The following KIAA0319L variants were observed in gnomAD, a reference collection of about 807,000 sequenced individuals.
KIAA0319L encodes dyslexia-associated protein KIAA0319-like protein.
A neutral mutation model predicts 120.1 loss-of-function variants in KIAA0319L; 55 were observed. The observed-to-expected ratio is 0.46, with a 90% CI of 0.37 to 0.57. The LOEUF (loss-of-function observed/expected upper bound fraction) is 0.57, where lower values mean the gene tolerates loss of function less well. Among genes scored for constraint, KIAA0319L ranks in the 20% least tolerant of loss-of-function variants. KIAA0319L has a pLI of 0.00. For missense variants in KIAA0319L, 1,049 were observed against 1,255.3 expected (o/e 0.84, Z 2.48); for synonymous variants, 398 against 471.9 (o/e 0.84, Z 2.03).
Position 35,462,679 on chromosome 1 carries a change from C to T in KIAA0319L, c.1236G>A (p.Val412=). ...AAGAGATCTCCTGGAACTGAGGTGA[C>T]ACAATAGCAATGGGGGGCCGATTCT... ...PRKNRPPIAI[V]SPQFQEISLP... Residue 412 remains valine, a synonymous_variant, in exon 8 of 21, where the codon GTG becomes GTA. Transcript: ENST00000325722. 1 of 1,614,094 alleles carries T rather than the reference C, an allele frequency of 6.2e-7. No homozygotes were observed. Among genetic ancestry groups the T allele is most frequent in the Non-Finnish European group, 8.5e-7 (1 of 1,179,968 alleles).
intron 6 of KIAA0319L, 39 bp downstream of exon 6, chr1:35,470,824 C>CTCT (rs1281694868): frequency 8.1e-7 from 1 of 1,235,660 alleles, no homozygotes; most frequent in Admixed American, 1.7e-5. Context: ...CAGTCAACTC[C>CTCT]TCTACCTTTG....
chr1:35,480,554 G>A (rs749957088), intron 3 of KIAA0319L, among the ~76,000 whole-genome samples: 9 of 152,182 alleles, frequency 5.9e-5, no homozygotes, highest in Admixed American at 2.6e-4. Flanking sequence ...GGCCAAGACA[G>A]GTGGAACATT....
intron 3 of KIAA0319L, among the ~76,000 whole-genome samples, chr1:35,501,154 C>A (rs1008857017): frequency 6.6e-6 from 1 of 152,158 alleles, no homozygotes; most frequent in African/African-American, 2.4e-5. Context: ...TGCCACTGCC[C>A]ACTAATGGTA....
intron 2 of KIAA0319L, among the ~76,000 whole-genome samples, chr1:35,534,858 C>CAAAAAA (rs779838672): frequency 9.6e-4 from 41 of 42,610 alleles, no homozygotes; most frequent in Non-Finnish European, 1.6e-3. Flanking sequence ...GACTCCGTCT[C>CAAAAAA]AAAAAAAAAA....
chr1:35,486,376 GAAAAAAAAAAA>G (rs899924972), intron 3 of KIAA0319L, among the ~76,000 whole-genome samples: 1 of 52,146 alleles, frequency 1.9e-5, no homozygotes, highest in Non-Finnish European at 4.4e-5. Flanking sequence ...CCTGTCTCAA[GAAAAAAAAAAA>G]AAAAAAAAAA....
chr1:35,538,905 T>G (rs1002129521), intron 2 of KIAA0319L, among the ~76,000 whole-genome samples: 1 of 152,022 alleles, frequency 6.6e-6, no homozygotes, highest in African/African-American at 2.4e-5. Flanking sequence ...TGGTCAACAC[T>G]CCTGACTGCC....
chr1:35,442,527 C>T (rs1338292098), intron 18 of KIAA0319L, among the ~76,000 whole-genome samples, 191 bp from the exon 19 acceptor site: 3 of 152,156 alleles, frequency 2.0e-5, no homozygotes, highest in Admixed American at 6.5e-5. Flanking sequence ...GCTTTCCAGT[C>T]CCTGCTCCTG....
intron 3 of KIAA0319L, among the ~76,000 whole-genome samples, chr1:35,495,874 A>C (rs1232136086): frequency 1.3e-5 from 2 of 151,960 alleles, no homozygotes; most frequent in Non-Finnish European, 2.9e-5. Context: ...AAAAAAAAAA[A>C]AAAAAACATG....
chr1:35,466,824 G>T, intron 6 of KIAA0319L, 129 bp from the exon 7 acceptor site: 1 of 684,974 alleles, frequency 1.5e-6, no homozygotes, highest in Non-Finnish European at 2.5e-6. Context: ...AAATGGAAAA[G>T]GTAAAGTAGC....
chr1:35,461,336 C>A (rs1159839157), intron 8 of KIAA0319L, among the ~76,000 whole-genome samples: 1 of 152,056 alleles, frequency 6.6e-6, no homozygotes, highest in Non-Finnish European at 1.5e-5. Context: ...CTTGATGGTG[C>A]GTGCCTGTAA....
intron 15 of KIAA0319L, 101 bp downstream of exon 15, chr1:35,449,766 C>A (rs1388378175): frequency 3.2e-6 from 4 of 1,265,358 alleles, no homozygotes; most frequent in Admixed American, 4.0e-5. Context: ...GCTGGACATG[C>A]CATCTGGCTC....
chr1:35,442,031 C>A (rs979309051), intron 19 of KIAA0319L, among the ~76,000 whole-genome samples: 2 of 152,198 alleles, frequency 1.3e-5, no homozygotes, highest in Non-Finnish European at 1.5e-5. Flanking sequence ...CAAATCACTG[C>A]AGTGGCTGCC....
At chr1:35,486,235 T>A (rs928208278) in intron 3 of KIAA0319L, among the ~76,000 whole-genome samples, 2 of 151,938 alleles carry the variant, frequency 1.3e-5, no homozygotes, top group African/African-American at 4.8e-5. Context: ...ATATAAAAAG[T>A]TAGCTGGACG....
At chr1:35,444,826 T>C (rs1641497009) in intron 16 of KIAA0319L, among the ~76,000 whole-genome samples, 1 of 152,202 alleles carries the variant, frequency 6.6e-6, no homozygotes, top group South Asian at 2.1e-4. Flanking sequence ...CCAAAACAAT[T>C]ATGATGACAA....
rs143333344 is a variant in KIAA0319L at position 35,437,665 on chromosome 1, C to T, written c.2963-2584G>A. ...TGGCCTTTGCAGCAGCAAACACCGACGGCTGTCCCCTAATGAATCCCCTCC... is the reference window on the plus strand; with the variant it reads ...TGGCCTTTGCAGCAGCAAACACCGATGGCTGTCCCCTAATGAATCCCCTCC... On this transcript the variant is annotated intron_variant, in intron 20 of 20. Transcript: ENST00000325722. The surrounding 1 kb of genome is among the most constrained non-coding windows in gnomAD (Gnocchi z 4.1). 2.4e-3 allele frequency among the ~76,000 whole-genome samples: 364 copies of T among 152,256 alleles called. 2 individuals carry two copies. Among genetic ancestry groups the T allele is most frequent in the African/African-American group, 7.8e-3 (322 of 41,540 alleles).
At chr1:35,476,230 A>G (rs551841634) in intron 4 of KIAA0319L, among the ~76,000 whole-genome samples, 1 of 152,336 alleles carries the variant, frequency 6.6e-6, no homozygotes, top group African/African-American at 2.4e-5. Flanking sequence ...TGTCCTGAGC[A>G]CTGTAAGGTG....
At position 35,507,015 on chromosome 1, in the gene KIAA0319L, G is replaced by A. The variant is rs1479537089; in HGVS notation, c.263C>T (p.Ala88Val). ...ATGGCAGGCAGAGTCCTGGCAGCAGGCAGCCCAACATGACTGGAGAGAGGG... is the reference window on the plus strand; with the variant it reads ...ATGGCAGGCAGAGTCCTGGCAGCAGACAGCCCAACATGACTGGAGAGAGGG... ...GTPSLQSCWA[A>V]CCQDSACHVF... is the part of the protein sequence containing the mutation. Residue 88 changes from alanine to valine, a missense_variant, in exon 3 of 21, where the codon GCC becomes GTC. Ala to Val is a moderately conservative substitution (Grantham distance 64, BLOSUM62 0). Coordinates refer to ENST00000325722, the MANE Select transcript of KIAA0319L (RefSeq NM_024874.5). 1.2e-6 allele frequency: 2 copies of A among 1,612,696 alleles called. No homozygotes were observed. The highest frequency in any genetic ancestry group is 3.3e-5 in the Admixed American group (2 of 59,912).
At position 35,533,844 on chromosome 1, in the gene KIAA0319L, C is replaced by T. The variant is rs569505505; in HGVS notation, c.142+20506G>A. Reference sequence around the variant, plus strand: ...CTCCTCAGGGGGCACCCTCCACCTCCCTTTTGACTGTCAGCATGTCTGTCA... The same window carrying T: ...CTCCTCAGGGGGCACCCTCCACCTCTCTTTTGACTGTCAGCATGTCTGTCA... On this transcript the variant is annotated intron_variant, in intron 2 of 20. Coordinates refer to ENST00000325722, the MANE Select transcript of KIAA0319L (RefSeq NM_024874.5). Among the ~76,000 whole-genome samples, 17 of 152,320 alleles carry T rather than the reference C, an allele frequency of 1.1e-4. No individual in the cohort carries two copies. The East Asian group carries it at 3.3e-3, about 29-fold the overall frequency.
chr1:35,514,749 T>TA (rs1173914943), intron 2 of KIAA0319L, among the ~76,000 whole-genome samples: 1 of 152,164 alleles, frequency 6.6e-6, no homozygotes, highest in African/African-American at 2.4e-5. Flanking sequence ...AGCAAGTTCT[T>TA]AGAGACCTAC....
Sources: allele counts gnomAD v4.1 joint callset (sites outside exome capture counted in the v4.1 genomes callset), GRCh38; gene constraint gnomAD v4.1.1; non-coding constraint Gnocchi (gnomAD v3.1); transcripts MANE v1.5; gene names NCBI Gene and HGNC (gene_info 2026-07-23, HGNC 2026-07-21).